The following SHC3 variants were observed in gnomAD, a reference collection of about 807,000 sequenced individuals.
SHC3 encodes SHC adaptor protein 3.
Under a neutral mutation model 60.4 loss-of-function variants are expected in SHC3, and 15 were observed. That is an observed-to-expected ratio of 0.25 (90% CI 0.17 to 0.38). The LOEUF (loss-of-function observed/expected upper bound fraction) is 0.38. Ranked by LOEUF, SHC3 falls within the 10% of genes least tolerant of loss-of-function variation. The pLI is 1.00. For missense variants in SHC3, 677 were observed against 786.1 expected, an observed-to-expected ratio of 0.86 and a Z score of 1.66; for synonymous variants, 294 against 325.9, an observed-to-expected ratio of 0.90 and a Z score of 1.05.
chr9:89,006,378 TTTTTCA>T lies in SHC3; in HGVS notation c.*7063_*7068del, dbSNP rs1825940456. On this transcript the variant is annotated 3_prime_UTR_variant, in exon 12 of 12. Transcript: ENST00000375835. ...CTCCAAAACACCAGATAACTTAGGT[TTTTTCA>T]TTTGTCATAGAACAAAGATTAGAGA... is the stretch of plus-strand genomic sequence containing the variant. 6.6e-6 allele frequency: 1 copy of T among 152,096 alleles called. No individual in the cohort carries two copies. The highest frequency in any genetic ancestry group is 2.4e-5 in the African/African-American group (1 of 41,458). 9.4% of individuals were successfully genotyped at this position (152,096 alleles called of 1,614,324 possible).
At chr9:89,146,523 A>T (rs17436860) in intron 1 of SHC3, among the ~76,000 whole-genome samples, 9,558 of 152,240 alleles carry the variant, frequency 0.063, 421 homozygotes, top group Admixed American at 0.13. Context: ...AGGTCTAAAT[A>T]AGTGCTGTGG....
intron 10 of SHC3, among the ~76,000 whole-genome samples, chr9:89,041,667 C>T (rs551395444): frequency 6.6e-6 from 1 of 152,202 alleles, no homozygotes; most frequent in Non-Finnish European, 1.5e-5. Context: ...ACGGGCCATG[C>T]CATTTCATCT....
chr9:89,021,829 C>T (rs1321340773), intron 11 of SHC3, among the ~76,000 whole-genome samples: 1 of 152,182 alleles, frequency 6.6e-6, no homozygotes, highest in Non-Finnish European at 1.5e-5. Context: ...ACACACAGCC[C>T]TACCTGGATA....
intron 2 of SHC3, among the ~76,000 whole-genome samples, chr9:89,106,042 G>T (rs1825854327): frequency 6.6e-6 from 1 of 152,126 alleles, no homozygotes; most frequent in Non-Finnish European, 1.5e-5. Context: ...GCACTTTCAG[G>T]TCTCATTTCT....
At chr9:89,092,018 C>T (rs1312661792) in intron 2 of SHC3, among the ~76,000 whole-genome samples, 1 of 152,178 alleles carries the variant, frequency 6.6e-6, no homozygotes, top group East Asian at 1.9e-4. Flanking sequence ...AAAGTGTTCA[C>T]ATTTCTGTAT....
At chr9:89,084,973 C>T (rs969088006) in intron 2 of SHC3, among the ~76,000 whole-genome samples, 2 of 152,232 alleles carry the variant, frequency 1.3e-5, no homozygotes, top group African/African-American at 2.4e-5. Context: ...CACCTGTCTT[C>T]ACTGCCAGTT....
At chr9:89,074,013 C>T (rs1434752652) in intron 4 of SHC3, among the ~76,000 whole-genome samples, 1 of 152,218 alleles carries the variant, frequency 6.6e-6, no homozygotes, top group African/African-American at 2.4e-5. Flanking sequence ...AATTATCTAT[C>T]AGTCCTGTGA....
intron 1 of SHC3, among the ~76,000 whole-genome samples, chr9:89,134,086 T>A (rs1358357350): frequency 2.6e-5 from 4 of 152,072 alleles, no homozygotes; most frequent in Non-Finnish European, 5.9e-5. Flanking sequence ...GAACCAGGTT[T>A]TTCACCAAAA....
chr9:89,087,748 C>T (rs956838969), intron 2 of SHC3, among the ~76,000 whole-genome samples: 36 of 152,126 alleles, frequency 2.4e-4, no homozygotes, highest in Non-Finnish European at 4.3e-4. Context: ...CCAAAGTAAA[C>T]GTGAAAAACT....
intron 1 of SHC3, among the ~76,000 whole-genome samples, chr9:89,138,943 A>G (rs570594030): frequency 1.3e-5 from 2 of 152,208 alleles, no homozygotes; most frequent in African/African-American, 2.4e-5. Context: ...TAAGTATTCA[A>G]TTTAAGAAAA....
chr9:89,097,472 A>T lies in SHC3; in HGVS notation c.545+15084T>A, dbSNP rs566341682. Reference sequence around the variant, plus strand: ...CTTCCATCCTACTAAGCAGATGCAGATGTACTAATCTTCATTTTTAAAAGG... The same window carrying T: ...CTTCCATCCTACTAAGCAGATGCAGTTGTACTAATCTTCATTTTTAAAAGG... On this transcript the variant is annotated intron_variant, in intron 2 of 11. Coordinates refer to ENST00000375835, the MANE Select transcript of SHC3 (RefSeq NM_016848.6). Among the ~76,000 whole-genome samples the T allele has an allele frequency of 9.2e-5, 14 of 152,356 alleles. No individual in the cohort carries two copies. The South Asian group carries it at 1.2e-3, about 14-fold the overall frequency.
rs907440629 is a variant in SHC3 at position 89,009,803 on chromosome 9, T to A, written c.*3644A>T. On this transcript the variant is annotated 3_prime_UTR_variant, in exon 12 of 12. Transcript: ENST00000375835. ...CAGGTAGCAGCCAGTTTGGAGGAAA[T>A]GAGGACCCAGACGTCCATCTTCAAG... The A allele has an allele frequency of 1.3e-5, 2 of 152,188 alleles. No homozygotes were observed. Among genetic ancestry groups the A allele is most frequent in the African/African-American group, 4.8e-5 (2 of 41,432 alleles). 9.4% of individuals were successfully genotyped at this position (152,188 alleles called of 1,614,324 possible). A position where few individuals can be genotyped will look rare whatever the true frequency, so the allele number is the denominator to read the frequency against.
intron 2 of SHC3, among the ~76,000 whole-genome samples, chr9:89,081,436 C>T (rs1000725755): frequency 6.6e-6 from 1 of 152,172 alleles, no homozygotes; most frequent in African/African-American, 2.4e-5. Flanking sequence ...AGGCACCCTA[C>T]TCAGTGCTCC....
chr9:89,010,725 G>C lies in SHC3; in HGVS notation c.*2722C>G, dbSNP rs1185778634. ...GCTGCGTTCATTGTTCAGCTTCCCTGCCCTGCCCAGGCAGAGATGTGGCCT... is the reference window on the plus strand; with the variant it reads ...GCTGCGTTCATTGTTCAGCTTCCCTCCCCTGCCCAGGCAGAGATGTGGCCT... On this transcript the variant is annotated 3_prime_UTR_variant, in exon 12 of 12. Coordinates refer to ENST00000375835, the MANE Select transcript of SHC3 (RefSeq NM_016848.6). 2 of 152,474 alleles carry C rather than the reference G, an allele frequency of 1.3e-5. No individual in the cohort carries two copies. Among genetic ancestry groups the C allele is most frequent in the Non-Finnish European group, 2.9e-5 (2 of 68,216 alleles). 9.4% of individuals were successfully genotyped at this position (152,474 alleles called of 1,614,324 possible). A position where few individuals can be genotyped will look rare whatever the true frequency, so the allele number is the denominator to read the frequency against.
At chr9:89,097,075 T>G (rs1587725033) in intron 2 of SHC3, among the ~76,000 whole-genome samples, 2 of 118,100 alleles carry the variant, frequency 1.7e-5, no homozygotes, top group East Asian at 2.7e-4. Flanking sequence ...TGGACACCAG[T>G]GGGCAGCGCC....
At chr9:89,140,669 A>G (rs749706885) in intron 1 of SHC3, among the ~76,000 whole-genome samples, 2 of 152,200 alleles carry the variant, frequency 1.3e-5, no homozygotes, top group Non-Finnish European at 2.9e-5. Flanking sequence ...AAAGCCTTAG[A>G]TTTTGAGAGG....
chr9:89,155,451 C>A (rs1826608847), intron 1 of SHC3, among the ~76,000 whole-genome samples: 2 of 152,140 alleles, frequency 1.3e-5, no homozygotes, highest in African/African-American at 4.8e-5. Flanking sequence ...GCTCCCTAGT[C>A]CATTGCTTCT....
chr9:89,155,859 C>T (rs1050093214), intron 1 of SHC3, among the ~76,000 whole-genome samples: 8 of 152,330 alleles, frequency 5.3e-5, no homozygotes, highest in Admixed American at 3.3e-4. Context: ...CCATCTACCT[C>T]TTTGCAGAAG....
At position 89,097,749 on chromosome 9, in the gene SHC3, A is replaced by C. The variant is rs1416404499; in HGVS notation, c.545+14807T>G. Among the ~76,000 whole-genome samples the C allele has an allele frequency of 3.3e-5, 5 of 152,244 alleles. No homozygotes were observed. The South Asian group carries it at 1.0e-3, about 32-fold the overall frequency. ...TGTGGGCCACCAGAGGATGCCTCCC[A>C]GTAGGGTTCGTCAAGGAATCTCAAA... is the stretch of plus-strand genomic sequence containing the variant. On this transcript the variant is annotated intron_variant, in intron 2 of 11. Transcript: ENST00000375835.
Sources: allele counts gnomAD v4.1 joint callset (sites outside exome capture counted in the v4.1 genomes callset), GRCh38; gene constraint gnomAD v4.1.1; transcripts MANE v1.5; gene names NCBI Gene and HGNC (gene_info 2026-07-23, HGNC 2026-07-21).